Variants in CCDC91 observed in about 807,000 individuals in gnomAD.
CCDC91 encodes the protein coiled-coil domain containing 91.
CCDC91 carries 48 observed loss-of-function variants against 63.2 expected under a neutral mutation model. That is an observed-to-expected ratio of 0.76 (90% confidence interval 0.60 to 0.97). The LOEUF (loss-of-function observed/expected upper bound fraction) is 0.97, where lower values mean the gene tolerates loss of function less well. Ranked by LOEUF, CCDC91 falls within the 50% of genes least tolerant of loss-of-function variation. The pLI, the probability that CCDC91 is intolerant of heterozygous loss-of-function variation, is 0.00. For missense variants in CCDC91, 500 were observed against 494.6 expected (o/e 1.01, Z -0.10); for synonymous variants, 167 against 165.8 (o/e 1.01, Z -0.06).
At chr12:28,377,939 A>G (rs1246150388) in intron 7 of CCDC91, among the ~76,000 whole-genome samples, 3 of 152,050 alleles carry the variant, frequency 2.0e-5, no homozygotes, top group East Asian at 3.9e-4. Context: ...ATGAGAAAGT[A>G]AGGAATGAGG....
chr12:28,234,470 C>T (rs1325115036), intron 1 of CCDC91, among the ~76,000 whole-genome samples: 1 of 152,148 alleles, frequency 6.6e-6, no homozygotes, highest in Non-Finnish European at 1.5e-5. Flanking sequence ...ACAACTACTT[C>T]TGCTGCTATC....
chr12:28,337,290 A>G (rs1942056105), intron 6 of CCDC91, among the ~76,000 whole-genome samples: 1 of 152,140 alleles, frequency 6.6e-6, no homozygotes. Context: ...GTTAATGAAT[A>G]ATTTGAATGT....
intron 8 of CCDC91, among the ~76,000 whole-genome samples, chr12:28,394,337 G>A (rs1419857235): frequency 6.6e-6 from 1 of 151,974 alleles, no homozygotes; most frequent in Non-Finnish European, 1.5e-5. Flanking sequence ...GTGGTGGCGG[G>A]CACCTGTAGT....
rs1288402691 is a variant in CCDC91 at position 28,434,241 on chromosome 12, A to AT, written c.763-15914dup. ...TCACCATTAAGTATGTTAGCTGTAGATTTTTTGTAGATGTTCTTTATCAAA... is the reference window on the plus strand; with the variant it reads ...TCACCATTAAGTATGTTAGCTGTAGATTTTTTTGTAGATGTTCTTTATCAAA... On this transcript the variant is annotated intron_variant, in intron 8 of 12. Transcript: ENST00000536442. Among the ~76,000 whole-genome samples the AT allele has an allele frequency of 2.6e-5, 4 of 151,682 alleles. No individual in the cohort carries two copies. In the East Asian group the frequency reaches 7.7e-4, roughly 29 times the overall value.
chr12:28,395,221 C>T (rs949046636), intron 8 of CCDC91, among the ~76,000 whole-genome samples: 2 of 152,188 alleles, frequency 1.3e-5, no homozygotes, highest in Admixed American at 6.5e-5. Context: ...TTTCAACTTA[C>T]ACTTTTGACA....
At chr12:28,288,088 A>T (rs1416987403) in intron 3 of CCDC91, among the ~76,000 whole-genome samples, 1 of 152,152 alleles carries the variant, frequency 6.6e-6, no homozygotes, top group Non-Finnish European at 1.5e-5. Flanking sequence ...TTACCAGCTT[A>T]AGGAGCTTTT....
chr12:28,502,171 A>G (rs1368732320), intron 12 of CCDC91, among the ~76,000 whole-genome samples: 3 of 151,806 alleles, frequency 2.0e-5, no homozygotes, highest in Non-Finnish European at 4.4e-5. Flanking sequence ...ATGATTGTAT[A>G]TCTAGAAAAC....
At chr12:28,425,938 C>A (rs571017469) in intron 8 of CCDC91, among the ~76,000 whole-genome samples, 6 of 152,194 alleles carry the variant, frequency 3.9e-5, no homozygotes, top group Non-Finnish European at 8.8e-5. Flanking sequence ...ACCTTTCACA[C>A]AATGTTCATC....
chr12:28,498,720 C>T (rs1438506311), intron 12 of CCDC91, among the ~76,000 whole-genome samples: 1 of 151,664 alleles, frequency 6.6e-6, no homozygotes, highest in Non-Finnish European at 1.5e-5. Flanking sequence ...GTGCATAAAA[C>T]TCTTTGAAAT....
intron 6 of CCDC91, among the ~76,000 whole-genome samples, chr12:28,332,785 T>C (rs1398899326): frequency 1.3e-5 from 2 of 152,152 alleles, no homozygotes; most frequent in African/African-American, 4.8e-5. Flanking sequence ...ATTCCTGATT[T>C]ATTAACATTG....
At chr12:28,495,186 T>C (rs1331074543) in intron 12 of CCDC91, among the ~76,000 whole-genome samples, 2 of 151,730 alleles carry the variant, frequency 1.3e-5, no homozygotes, top group African/African-American at 4.8e-5. Flanking sequence ...TGTGATATTA[T>C]TGCGATAGAC....
At chr12:28,323,253 C>A (rs1479314429) in intron 6 of CCDC91, among the ~76,000 whole-genome samples, 11 of 151,444 alleles carry the variant, frequency 7.3e-5, no homozygotes, top group Non-Finnish European at 1.2e-4. Flanking sequence ...ATGTTCAATT[C>A]CGGTCATTTT....
intron 7 of CCDC91, among the ~76,000 whole-genome samples, chr12:28,372,099 T>C (rs1944658284): frequency 6.6e-6 from 1 of 152,216 alleles, no homozygotes; most frequent in African/African-American, 2.4e-5. Context: ...TAGGGTGTCC[T>C]TTCCTCAATT....
At chr12:28,430,868 G>A (rs1301946898) in intron 8 of CCDC91, among the ~76,000 whole-genome samples, 1 of 152,036 alleles carries the variant, frequency 6.6e-6, no homozygotes, top group African/African-American at 2.4e-5. Context: ...CTGCTTACCT[G>A]CAGAGACTAC....
intron 12 of CCDC91, among the ~76,000 whole-genome samples, chr12:28,542,065 G>T (rs931498996): frequency 5.3e-5 from 8 of 151,948 alleles, no homozygotes; most frequent in African/African-American, 1.7e-4. Flanking sequence ...GGAAACAGTT[G>T]TTACCAGAAT....
chr12:28,278,006 T>G (rs1948359196), intron 3 of CCDC91, among the ~76,000 whole-genome samples: 1 of 152,030 alleles, frequency 6.6e-6, no homozygotes, highest in Non-Finnish European at 1.5e-5. Flanking sequence ...TTCTTTGTTC[T>G]GGTTGTGCTA....
chr12:28,522,807 A>AT (rs1445806860), intron 12 of CCDC91, among the ~76,000 whole-genome samples: 5 of 152,086 alleles, frequency 3.3e-5, no homozygotes, highest in Admixed American at 6.6e-5. Context: ...GAACATCTTT[A>AT]TTTCTGCCTT....
chr12:28,296,903 G>T (rs1402670620), intron 3 of CCDC91, among the ~76,000 whole-genome samples: 2 of 151,774 alleles, frequency 1.3e-5, no homozygotes, highest in Admixed American at 6.6e-5. Flanking sequence ...AATGAGCATT[G>T]AATAGGAAGA....
chr12:28,298,619 A>C (rs1592240203), intron 3 of CCDC91, among the ~76,000 whole-genome samples: 1 of 150,662 alleles, frequency 6.6e-6, no homozygotes, highest in Non-Finnish European at 1.5e-5. Flanking sequence ...GCTATTTAAG[A>C]ACTAGAGTGT....
Sources: gnomAD v4.1 joint callset for allele counts (sites outside exome capture counted in the v4.1 genomes callset) on GRCh38, gnomAD v4.1.1 for gene constraint, MANE v1.5 for transcripts, NCBI Gene and HGNC (gene_info 2026-07-23, HGNC 2026-07-21) for gene names.